Variants in SOBP observed in about 807,000 individuals in gnomAD.
SOBP encodes the protein sine oculis binding protein homolog.
A neutral mutation model predicts 53.6 loss-of-function variants in SOBP; 4 were observed. The ratio of observed to expected loss-of-function variants is 0.07; its 90% CI spans 0.04 to 0.17. The LOEUF (loss-of-function observed/expected upper bound fraction) is 0.17. Ranked by LOEUF, SOBP falls within the 10% of genes least tolerant of loss-of-function variation. The pLI, the probability that SOBP is intolerant of heterozygous loss-of-function variation, is 1.00. For missense variants in SOBP, 1,088 were observed against 1,204.7 expected (o/e 0.90, Z 1.43); for synonymous variants, 584 against 522.6 (o/e 1.12, Z -1.60).
rs116580373 is a variant in SOBP, at chr6:107,503,279, A to T, written c.97-378A>T. ...ATCTGAACCACAAAAGGTTGTTTTC[A>T]TTTTCAAAATCTTTTCTTAGCTGTT... On this transcript the variant is annotated intron_variant, in intron 1 of 6. Transcript: ENST00000317357. 1.4e-3 allele frequency among the ~76,000 whole-genome samples: 220 copies of T among 152,302 alleles called. 2 individuals are homozygous for T. The highest frequency in any genetic ancestry group is 5.2e-3 in the African/African-American group (215 of 41,576).
chr6:107,634,847 T>C lies in SOBP; in HGVS notation c.2003T>C (p.Ile668Thr). 1 of 1,399,452 alleles carries C rather than the reference T, an allele frequency of 7.1e-7. No individual in the cohort carries two copies. Among genetic ancestry groups the C allele is most frequent in the East Asian group, 3.3e-5 (1 of 29,870 alleles). 86.7% of individuals were successfully genotyped at this position (1,399,452 alleles called of 1,614,324 possible). Residue 668 changes from isoleucine (I) to threonine (T), a missense_variant, in exon 6 of 7, where the codon ATC (isoleucine) becomes ACC (threonine). Ile to Thr is a moderately conservative substitution (Grantham distance 89). Coordinates refer to ENST00000317357, the MANE Select transcript of SOBP (RefSeq NM_018013.4). This position sits in a 1 kb window ranked among gnomAD's most constrained non-coding sequence, Gnocchi z 4.5. ...CACCGAGCCCGGCTGCACAACGTGA[T>C]CCACCGCGCGCTGCACGCGCACGTC... ...VGHRARLHNV[I>T]HRALHAHVKA...
chr6:107,503,049 C>T (rs549325444), intron 1 of SOBP, among the ~76,000 whole-genome samples: 19 of 152,238 alleles, frequency 1.2e-4, no homozygotes, highest in African/African-American at 2.9e-4. Flanking sequence ...CGTGAGCCAC[C>T]GTGCCTGGCC....
chr6:107,559,764 TG>T (rs1376003403), intron 4 of SOBP, among the ~76,000 whole-genome samples: 8 of 152,244 alleles, frequency 5.3e-5, no homozygotes, highest in African/African-American at 1.9e-4. Flanking sequence ...AATATGGATT[TG>T]TATGAAATTT....
chr6:107,496,835 A>G (rs1782714732), intron 1 of SOBP, among the ~76,000 whole-genome samples: 1 of 152,222 alleles, frequency 6.6e-6, no homozygotes, highest in African/African-American at 2.4e-5. Context: ...GTACTTTGTA[A>G]TCTGCAAAGG....
Position 107,490,554 on chromosome 6 carries a change from GCCA to G in SOBP, c.-54_-52del, listed in dbSNP as rs1292502025. On this transcript the variant is annotated 5_prime_UTR_variant, in exon 1 of 7. Coordinates refer to ENST00000317357, the MANE Select transcript of SOBP (RefSeq NM_018013.4). ...CACCACCTCCACCGCCGCCGCCGCC[GCCA>G]CCACCACCGCCGGCGGCGGCAGCAG... 16 of 1,252,950 alleles carry G rather than the reference GCCA, an allele frequency of 1.3e-5. No individual in the cohort carries two copies. Among genetic ancestry groups the G allele is most frequent in the Non-Finnish European group, 1.8e-5 (16 of 881,026 alleles). The allele number at this position is 1,252,950 out of a possible 1,614,324, so 77.6% of individuals were successfully genotyped here.
chr6:107,492,755 A>G (rs1782610590), intron 1 of SOBP, among the ~76,000 whole-genome samples: 1 of 152,178 alleles, frequency 6.6e-6, no homozygotes, highest in African/African-American at 2.4e-5. Context: ...ACCACCCACT[A>G]TTTGAAGTTT....
chr6:107,589,155 C>CT (rs1785663888), intron 5 of SOBP, among the ~76,000 whole-genome samples: 1 of 152,160 alleles, frequency 6.6e-6, no homozygotes, highest in African/African-American at 2.4e-5. Context: ...CTCCAAAGTA[C>CT]TTTTTTAGCT....
At chr6:107,500,246 G>T (rs890224016) in intron 1 of SOBP, among the ~76,000 whole-genome samples, 1 of 151,814 alleles carries the variant, frequency 6.6e-6, no homozygotes, top group African/African-American at 2.4e-5. Flanking sequence ...AAAATTAGCC[G>T]GGCATGGTGG....
At chr6:107,532,472 A>G (rs951397575) in intron 3 of SOBP, among the ~76,000 whole-genome samples, 3 of 151,818 alleles carry the variant, frequency 2.0e-5, no homozygotes, top group Admixed American at 2.0e-4. Flanking sequence ...ATAACTTCTG[A>G]CCACCTGCAC....
chr6:107,558,543 C>G (rs1206838620), intron 4 of SOBP, among the ~76,000 whole-genome samples: 1 of 152,068 alleles, frequency 6.6e-6, no homozygotes, highest in Non-Finnish European at 1.5e-5. Context: ...GCTGGGATTA[C>G]AGGTGTGAGC....
At chr6:107,497,788 T>C (rs1465684057) in intron 1 of SOBP, among the ~76,000 whole-genome samples, 1 of 152,218 alleles carries the variant, frequency 6.6e-6, no homozygotes, top group East Asian at 1.9e-4. Context: ...TGGCATTTAG[T>C]TTGTTTCTAA....
At position 107,649,771 on chromosome 6, in the gene SOBP, T is replaced by C. The variant is rs548847515; in HGVS notation, c.*4-8436T>C. Reference sequence around the variant, plus strand: ...GCCTACCAGAGACCTGGTCATTTGGTTTGCTTAAACTTCCAGGTTCTGGAA... The same window carrying C: ...GCCTACCAGAGACCTGGTCATTTGGCTTGCTTAAACTTCCAGGTTCTGGAA... On this transcript the variant is annotated intron_variant, in intron 6 of 6. Transcript: ENST00000317357. Among the ~76,000 whole-genome samples, 4 of 152,156 alleles carry C rather than the reference T, an allele frequency of 2.6e-5. No homozygotes were observed. The South Asian group carries it at 8.3e-4, about 32-fold the overall frequency.
In SOBP at chr6:107,635,347, G is replaced by T. The variant is rs1770992162; in HGVS notation, c.2503G>T (p.Ala835Ser). The T allele has an allele frequency of 6.2e-7, 1 of 1,613,616 alleles. No individual in the cohort carries two copies. The highest frequency in any genetic ancestry group is 1.1e-5 in the South Asian group (1 of 91,078). Residue 835 changes from alanine (A) to serine (S), a missense_variant, in exon 6 of 7, where the codon GCG becomes TCG. Ala to Ser is a moderately conservative substitution (Grantham distance 99). Transcript: ENST00000317357. The surrounding 1 kb of genome is among the most constrained non-coding windows in gnomAD (Gnocchi z 4.5). ...GCVIQPVPKP[A>S]EKAAMAPCII... is the part of the protein sequence containing the mutation. ...CGTGATCCAGCCTGTGCCAAAACCC[G>T]CGGAGAAGGCTGCCATGGCACCGTG...
intron 3 of SOBP, among the ~76,000 whole-genome samples, chr6:107,506,987 A>G (rs1783013849): frequency 6.6e-6 from 1 of 151,566 alleles, no homozygotes; most frequent in Non-Finnish European, 1.5e-5. Context: ...GATCACTTGA[A>G]CCTGGGAGGC....
rs1772218707 is a variant in SOBP at position 107,659,742 on chromosome 6, A to G, written c.*1539A>G. The G allele has an allele frequency of 6.6e-6, 1 of 152,644 alleles. No homozygotes were observed. Among genetic ancestry groups the G allele is most frequent in the Non-Finnish European group, 1.5e-5 (1 of 68,064 alleles). 9.5% of individuals were successfully genotyped at this position (152,644 alleles called of 1,614,324 possible). On this transcript the variant is annotated 3_prime_UTR_variant, in exon 7 of 7. Coordinates refer to ENST00000317357, the MANE Select transcript of SOBP (RefSeq NM_018013.4). ...CACGGCCCAAGGATGCGGTGTACATACTGTATTTCTAGATTCTCCTTTGTA... is the reference window on the plus strand; with the variant it reads ...CACGGCCCAAGGATGCGGTGTACATGCTGTATTTCTAGATTCTCCTTTGTA...
intron 5 of SOBP, among the ~76,000 whole-genome samples, chr6:107,599,478 T>G (rs1229343276): frequency 6.6e-6 from 1 of 152,134 alleles, no homozygotes; most frequent in Non-Finnish European, 1.5e-5. Context: ...TGTATAGGAC[T>G]CTAGACAGAA....
At chr6:107,614,266 G>A (rs756996047) in intron 5 of SOBP, among the ~76,000 whole-genome samples, 1 of 152,212 alleles carries the variant, frequency 6.6e-6, no homozygotes, top group Non-Finnish European at 1.5e-5. Flanking sequence ...GCTGGGTGTG[G>A]TGCACACCTG....
At chr6:107,575,763 GAGCA>G (rs540112036) in intron 4 of SOBP, among the ~76,000 whole-genome samples, 72 of 152,238 alleles carry the variant, frequency 4.7e-4, no homozygotes, top group African/African-American at 1.7e-3. Context: ...GGTGACAGAG[GAGCA>G]AGAATTAACT....
intron 4 of SOBP, among the ~76,000 whole-genome samples, chr6:107,556,831 G>A (rs1326427798): frequency 6.6e-6 from 1 of 152,180 alleles, no homozygotes; most frequent in Non-Finnish European, 1.5e-5. Context: ...CGGAGCAGAT[G>A]TGTCCATCTG....
Sources: gnomAD v4.1 joint callset for allele counts (sites outside exome capture counted in the v4.1 genomes callset) on GRCh38, gnomAD v4.1.1 for gene constraint, Gnocchi (gnomAD v3.1) non-coding constraint, MANE v1.5 for transcripts, NCBI Gene and HGNC (gene_info 2026-07-23, HGNC 2026-07-21) for gene names.